Variants in RIMS1 observed in about 807,000 individuals in gnomAD.
The protein encoded by RIMS1 is regulating synaptic membrane exocytosis protein 1.
Under a neutral mutation model 214.1 loss-of-function variants are expected in RIMS1, and 83 were observed. The ratio of observed to expected loss-of-function variants is 0.39; its 90% CI spans 0.32 to 0.47. RIMS1 has a LOEUF of 0.47. RIMS1 is among the 20% of genes least tolerant of loss of function. The probability of loss-of-function intolerance (pLI) is 0.99; values close to 1 mark genes in which losing one functional copy is unlikely to be tolerated. For missense variants in RIMS1, 2,050 were observed against 2,161.8 expected (o/e 0.95, Z 1.03); for synonymous variants, 793 against 786.8 (o/e 1.01, Z -0.13).
intron 6 of RIMS1, among the ~76,000 whole-genome samples, chr6:72,211,614 A>G (rs1022894677): frequency 2.0e-5 from 3 of 152,160 alleles, no homozygotes; most frequent in African/African-American, 7.2e-5. Context: ...TATGGAACTT[A>G]GAAAATCAAT....
At chr6:72,122,509 T>G (rs923085406) in intron 4 of RIMS1, among the ~76,000 whole-genome samples, 4 of 151,742 alleles carry the variant, frequency 2.6e-5, no homozygotes, top group African/African-American at 9.7e-5. Flanking sequence ...CCCAGCCAGA[T>G]TCCCTCTTTT....
chr6:71,939,522 T>C (rs1785410553), intron 1 of RIMS1, among the ~76,000 whole-genome samples: 1 of 152,316 alleles, frequency 6.6e-6, no homozygotes, highest in Non-Finnish European at 1.5e-5. Flanking sequence ...ACAGACTAGA[T>C]AATTTATTAA....
rs377719731 is a variant in RIMS1, at chr6:72,316,398, G to C, written c.4130+2726G>C. ...GCCTCTGGGTATAGGGGAAACAGAG[G>C]CATGACCAGGATCAGGGTCATGCCC... On this transcript the variant is annotated intron_variant, in intron 28 of 33. Coordinates refer to ENST00000521978, the MANE Select transcript of RIMS1 (RefSeq NM_014989.7). 4.6e-5 allele frequency among the ~76,000 whole-genome samples: 7 copies of C among 152,306 alleles called. No homozygotes were observed. In the East Asian group the frequency reaches 1.4e-3, roughly 29 times the overall value.
intron 1 of RIMS1, among the ~76,000 whole-genome samples, chr6:71,950,988 C>CATATAACATATAACAGTATATGTT (rs1789314525): frequency 1.3e-5 from 2 of 152,104 alleles, no homozygotes; most frequent in Non-Finnish European, 2.9e-5. Flanking sequence ...GATGAGAAGA[C>CATATAACATATAACAGTATATGTT]ATATACTGTT....
intron 2 of RIMS1, among the ~76,000 whole-genome samples, chr6:71,989,696 A>G (rs1387332462): frequency 6.6e-6 from 1 of 152,216 alleles, no homozygotes; most frequent in Non-Finnish European, 1.5e-5. Flanking sequence ...CAGTAGATAT[A>G]TGTTGAGCAT....
intron 1 of RIMS1, among the ~76,000 whole-genome samples, chr6:71,930,000 G>A (rs1782584860): frequency 6.6e-6 from 1 of 152,100 alleles, no homozygotes; most frequent in African/African-American, 2.4e-5. Context: ...ATGATGACAA[G>A]TATTGCCAGA....
At chr6:72,163,645 C>T (rs1180393280) in intron 4 of RIMS1, among the ~76,000 whole-genome samples, 1 of 140,784 alleles carries the variant, frequency 7.1e-6, no homozygotes, top group Admixed American at 7.3e-5. Context: ...TGCTGGAGGT[C>T]TACTCCAGAC....
chr6:72,111,495 C>T (rs1408668558), intron 4 of RIMS1, among the ~76,000 whole-genome samples: 1 of 152,084 alleles, frequency 6.6e-6, no homozygotes, highest in African/African-American at 2.4e-5. Flanking sequence ...GTGATTTCCC[C>T]AAATTCTTGT....
intron 6 of RIMS1, 65 bp from the exon 7 acceptor site, chr6:72,233,708 A>G: frequency 8.5e-7 from 1 of 1,177,936 alleles, no homozygotes. Flanking sequence ...GAAGAAGTAA[A>G]GCTTAAAGTG....
At chr6:72,208,743 A>G (rs1036911771) in intron 6 of RIMS1, among the ~76,000 whole-genome samples, 2 of 152,306 alleles carry the variant, frequency 1.3e-5, no homozygotes, top group African/African-American at 4.8e-5. Context: ...GCACACTACA[A>G]ACTTACCTTT....
chr6:71,968,911 T>C (rs1400095549), intron 1 of RIMS1, 72 bp from the exon 2 acceptor site: 2 of 1,403,904 alleles, frequency 1.4e-6, no homozygotes, highest in Non-Finnish European at 2.0e-6. Flanking sequence ...TTCAGTACCG[T>C]GTTTAATTTC....
intron 1 of RIMS1, among the ~76,000 whole-genome samples, chr6:71,901,035 AG>A (rs1346218798): frequency 1.3e-5 from 2 of 152,146 alleles, no homozygotes; most frequent in Non-Finnish European, 2.9e-5. Context: ...ACTAAATCAA[AG>A]GGAAGAGAGT....
chr6:71,928,766 T>C (rs997154502), intron 1 of RIMS1, among the ~76,000 whole-genome samples: 24 of 152,102 alleles, frequency 1.6e-4, no homozygotes, highest in African/African-American at 5.8e-4. Context: ...GCTGCATCAA[T>C]TGAATTTGAA....
chr6:72,346,520 C>T (rs911343689), intron 29 of RIMS1, among the ~76,000 whole-genome samples: 2 of 151,482 alleles, frequency 1.3e-5, no homozygotes, highest in African/African-American at 4.8e-5. Context: ...TTATGAACTC[C>T]CAGAAGTATG....
At chr6:72,068,835 C>T (rs2496545) in intron 2 of RIMS1, among the ~76,000 whole-genome samples, 70,500 of 151,086 alleles carry the variant, frequency 0.47, 17,216 homozygotes, top group East Asian at 0.66. Context: ...GACGTGAACT[C>T]GGGAGGCGGA....
At chr6:72,027,040 A>G (rs517370) in intron 2 of RIMS1, among the ~76,000 whole-genome samples, 33,170 of 152,164 alleles carry the variant, frequency 0.22, 4,426 homozygotes, top group East Asian at 0.33. Flanking sequence ...ATGAATTTTA[A>G]TCATGTGTGC....
At chr6:71,998,825 T>A (rs973828945) in intron 2 of RIMS1, among the ~76,000 whole-genome samples, 1 of 152,196 alleles carries the variant, frequency 6.6e-6, no homozygotes, top group Non-Finnish European at 1.5e-5. Context: ...ATTCTATATT[T>A]ATTTTCCAGG....
At chr6:72,262,535 C>T in intron 19 of RIMS1, 1 of 984,944 alleles carries the variant, frequency 1.0e-6, no homozygotes, top group Non-Finnish European at 1.2e-6. Context: ...GTCTTTCATT[C>T]TCTAATGTGT....
chr6:72,224,449 A>T (rs1028437330), intron 6 of RIMS1, among the ~76,000 whole-genome samples: 22 of 152,170 alleles, frequency 1.4e-4, no homozygotes, highest in African/African-American at 5.3e-4. Flanking sequence ...TGGGAATTGG[A>T]TTCTCTTGCA....
Sources: gnomAD v4.1 joint callset for allele counts (sites outside exome capture counted in the v4.1 genomes callset) on GRCh38, gnomAD v4.1.1 for gene constraint, MANE v1.5 for transcripts, NCBI Gene and HGNC (gene_info 2026-07-23, HGNC 2026-07-21) for gene names.